The following TIGD3 variants were observed in gnomAD, a reference collection of about 807,000 sequenced individuals.
The protein encoded by TIGD3 is tigger transposable element derived 3, also known as tigger transposable element-derived protein 3.
Under a neutral mutation model 14.8 loss-of-function variants are expected in TIGD3, and 7 were observed. The ratio of observed to expected loss-of-function variants is 0.47; its 90% CI spans 0.27 to 0.89. The LOEUF is 0.89. Ranked by LOEUF, TIGD3 falls within the 40% of genes least tolerant of loss-of-function variation. TIGD3 has a pLI of 0.13. For missense variants in TIGD3, 581 were observed against 611.0 expected, an observed-to-expected ratio of 0.95 and a Z score of 0.52; for synonymous variants, 243 against 269.4, an observed-to-expected ratio of 0.90 and a Z score of 0.96.
Position 65,356,652 on chromosome 11 carries a change from G to T in TIGD3, c.844G>T (p.Val282Leu). The T allele has an allele frequency of 6.2e-7, 1 of 1,613,022 alleles. No individual in the cohort carries two copies. ...ELAGLPGLYHVKLLPLAASST... is the reference protein window; with the variant it reads ...ELAGLPGLYHLKLLPLAASST... ...GGCAGGCCTGCCTGGGCTCTACCAC[G>T]TGAAGCTCTTGCCTCTGGCCGCCTC... The change falls in exon 2 of 2, where the codon GTG becomes TTG. Residue 282 changes from valine (V) to leucine (L), a missense_variant. Coordinates refer to ENST00000309880, the MANE Select transcript of TIGD3 (RefSeq NM_145719.3). This position sits in a 1 kb window ranked among gnomAD's most constrained non-coding sequence, Gnocchi z 5.2.
rs754331078 is a variant in TIGD3 at position 65,356,576 on chromosome 11, G to A, written c.768G>A (p.Gln256=). ...WLAQFDRDMG[Q]QGRQVALLLA... Reference sequence around the variant, plus strand: ...CACAGTTTGACCGGGACATGGGACAGCAGGGCCGACAGGTGGCTTTGCTGC... The same window carrying A: ...CACAGTTTGACCGGGACATGGGACAACAGGGCCGACAGGTGGCTTTGCTGC... Residue 256 remains glutamine, a synonymous_variant, in exon 2 of 2, where the codon CAG becomes CAA. Transcript: ENST00000309880. The surrounding 1 kb of genome is among the most constrained non-coding windows in gnomAD (Gnocchi z 5.2). The A allele has an allele frequency of 1.9e-6, 3 of 1,608,740 alleles. No homozygotes were observed.
rs769958748 is a variant in TIGD3, at chr11:65,357,258, C to T, written c.*34C>T. On this transcript the variant is annotated 3_prime_UTR_variant, in exon 2 of 2. Transcript: ENST00000309880. ...TCACTGCTTGCCAGAGCCCCTTCCTCTCTTGTTTCCCATGGAAACGGCCTC... is the reference window on the plus strand; with the variant it reads ...TCACTGCTTGCCAGAGCCCCTTCCTTTCTTGTTTCCCATGGAAACGGCCTC... 3.1e-6 allele frequency: 5 copies of T among 1,596,302 alleles called. No individual in the cohort carries two copies. The highest frequency in any genetic ancestry group is 2.7e-5 in the African/African-American group (2 of 74,202).
chr11:65,356,158 T>C lies in TIGD3; in HGVS notation c.350T>C (p.Phe117Ser), dbSNP rs753350661. ...KELADIMGQD[F>S]VPSIGWLVRW... is the part of the protein sequence containing the mutation. ...CTGGCCGATATCATGGGCCAGGACT[T>C]CGTGCCCAGCATCGGCTGGCTGGTC... is the stretch of plus-strand genomic sequence containing the variant. The change falls in exon 2 of 2, where the codon TTC becomes TCC. Residue 117 changes from phenylalanine to serine, a missense_variant. By Grantham distance (155) the Phe-to-Ser change is radical. Transcript: ENST00000309880. The surrounding 1 kb of genome is among the most constrained non-coding windows in gnomAD (Gnocchi z 5.2). 1 of 1,612,134 alleles carries C rather than the reference T, an allele frequency of 6.2e-7. No individual in the cohort carries two copies. Among genetic ancestry groups the C allele is most frequent in the Non-Finnish European group, 8.5e-7 (1 of 1,180,024 alleles).
In TIGD3 at chr11:65,355,869, C is replaced by G; in HGVS notation, c.61C>G (p.Leu21Val). 1 of 1,613,930 alleles carries G rather than the reference C, an allele frequency of 6.2e-7. No individual in the cohort carries two copies. Residue 21 changes from leucine to valine, a missense_variant, in exon 2 of 2, where the codon CTG becomes GTG. By Grantham distance (32) the Leu-to-Val change is conservative. Transcript: ENST00000309880. The stretch of plus-strand genomic sequence containing the variant: ...GTCCCTGGCCGAGAAGATCCAGGTG[C>G]TGGAACTCCTGGATGAGTCCAAGAT... ...ALSLAEKIQV[L>V]ELLDESKMSQ...
In TIGD3 at chr11:65,357,333, T is replaced by A; in HGVS notation, c.*109T>A. ...CTTTCCTGTGGAAATAGAACTGTCG[T>A]AAAGGTGTAGAAGGGAGAGAAGTTG... On this transcript the variant is annotated 3_prime_UTR_variant, in exon 2 of 2. Transcript: ENST00000309880. 1 of 1,082,436 alleles carries A rather than the reference T, an allele frequency of 9.2e-7. No homozygotes were observed. Among genetic ancestry groups the A allele is most frequent in the Non-Finnish European group, 1.3e-6 (1 of 750,036 alleles). The allele number at this position is 1,082,436 out of a possible 1,614,324, so 67.1% of individuals were successfully genotyped here.
At position 65,356,229 on chromosome 11, in the gene TIGD3, C is replaced by A. The variant is rs372749167; in HGVS notation, c.421C>A (p.Leu141Ile). 6.2e-7 allele frequency: 1 copy of A among 1,613,222 alleles called. No individual in the cohort carries two copies. The highest frequency in any genetic ancestry group is 8.5e-7 in the Non-Finnish European group (1 of 1,180,042). Reference sequence around the variant, plus strand: ...CGTCGGCTTTGGGGCCCGCCATGTTCTTGCGCCTTCATTCCCCCCTGAGCC... The same window carrying A: ...CGTCGGCTTTGGGGCCCGCCATGTTATTGCGCCTTCATTCCCCCCTGAGCC... ...NNVGFGARHVLAPSFPPEPPP... is the reference protein window; with the variant it reads ...NNVGFGARHVIAPSFPPEPPP... Residue 141 changes from leucine to isoleucine, a missense_variant, in exon 2 of 2, where the codon CTT (leucine) becomes ATT (isoleucine). Transcript: ENST00000309880. This position sits in a 1 kb window ranked among gnomAD's most constrained non-coding sequence, Gnocchi z 5.2.
chr11:65,356,937 A>T lies in TIGD3; in HGVS notation c.1129A>T (p.Thr377Ser). ...CAAAACGCCCCCGTCCTCGCACAAA[A>T]CCTCTGAGATGCCACCAGTCCCCGG... ...PGKTPPSSHK[T>S]SEMPPVPGGL... Residue 377 changes from threonine (T) to serine (S), a missense_variant, in exon 2 of 2, where the codon ACC (threonine) becomes TCC (serine). Thr to Ser is a moderately conservative substitution (Grantham distance 58, BLOSUM62 1). Transcript: ENST00000309880. This position sits in a 1 kb window ranked among gnomAD's most constrained non-coding sequence, Gnocchi z 5.2. 7 of 1,613,822 alleles carry T rather than the reference A, an allele frequency of 4.3e-6. No individual in the cohort carries two copies. Among genetic ancestry groups the T allele is most frequent in the Non-Finnish European group, 5.1e-6 (6 of 1,179,980 alleles).
At position 65,357,137 on chromosome 11, in the gene TIGD3, G is replaced by A. The variant is rs1590615352; in HGVS notation, c.1329G>A (p.Arg443=). ...TCCGGGCCCTGGGCACCTTGAGGAGGTGGTTTGAATGCAACAGCACTTCTC... is the reference window on the plus strand; with the variant it reads ...TCCGGGCCCTGGGCACCTTGAGGAGATGGTTTGAATGCAACAGCACTTCTC... ...DALRALGTLR[R]WFECNSTSPE... The change falls in exon 2 of 2, where the codon AGG becomes AGA. Residue 443 remains arginine (R), a synonymous_variant. Coordinates refer to ENST00000309880, the MANE Select transcript of TIGD3 (RefSeq NM_145719.3). 1 of 1,614,224 alleles carries A rather than the reference G, an allele frequency of 6.2e-7. No homozygotes were observed. The highest frequency in any genetic ancestry group is 8.5e-7 in the Non-Finnish European group (1 of 1,180,038).
intron 1 of TIGD3, among the ~76,000 whole-genome samples, chr11:65,355,280 C>A (rs1174876352): frequency 6.6e-6 from 1 of 152,062 alleles, no homozygotes; most frequent in African/African-American, 2.4e-5. Context: ...AAATTAGCCT[C>A]GCTCCTTCAG....
rs1343807982 is a variant in TIGD3, at chr11:65,356,579, G to A, written c.771G>A (p.Gln257=). The part of the protein sequence containing the change: ...LAQFDRDMGQ[Q]GRQVALLLAA... ...AGTTTGACCGGGACATGGGACAGCA[G>A]GGCCGACAGGTGGCTTTGCTGCTGG... Residue 257 remains glutamine, a synonymous_variant, in exon 2 of 2, where the codon CAG becomes CAA. Transcript: ENST00000309880. This position sits in a 1 kb window ranked among gnomAD's most constrained non-coding sequence, Gnocchi z 5.2. 1.2e-6 allele frequency: 2 copies of A among 1,609,076 alleles called. No individual in the cohort carries two copies.
Position 65,356,565 on chromosome 11 carries a change from G to A in TIGD3, c.757G>A (p.Asp253Asn), listed in dbSNP as rs1407880838. Residue 253 changes from aspartate (D) to asparagine (N), a missense_variant, in exon 2 of 2, where the codon GAC (aspartate) becomes AAC (asparagine). By Grantham distance (23) the Asp-to-Asn change is conservative. Transcript: ENST00000309880. The surrounding 1 kb of genome is among the most constrained non-coding windows in gnomAD (Gnocchi z 5.2). Reference sequence around the variant, plus strand: ...AGAGTGGTTGGCACAGTTTGACCGGGACATGGGACAGCAGGGCCGACAGGT... The same window carrying A: ...AGAGTGGTTGGCACAGTTTGACCGGAACATGGGACAGCAGGGCCGACAGGT... Reference protein sequence around the residue: ...WLEWLAQFDRDMGQQGRQVAL... With the variant: ...WLEWLAQFDRNMGQQGRQVAL... 1 of 1,608,088 alleles carries A rather than the reference G, an allele frequency of 6.2e-7. No individual in the cohort carries two copies. Among genetic ancestry groups the A allele is most frequent in the South Asian group, 1.1e-5 (1 of 91,090 alleles).
Position 65,355,996 on chromosome 11 carries a change from C to A in TIGD3, c.188C>A (p.Thr63Lys). The A allele has an allele frequency of 1.2e-6, 2 of 1,613,786 alleles. No individual in the cohort carries two copies. Among genetic ancestry groups the A allele is most frequent in the Non-Finnish European group, 1.7e-6 (2 of 1,180,044 alleles). ...CTGCTGGCGGACTGGTGCAGCGGCA[C>A]AGCCAACCGAGAGCGCAAGCGCAAG... The part of the protein sequence containing the change: ...EKLLADWCSG[T>K]ANRERKRKRE... The change falls in exon 2 of 2, where the codon ACA (threonine) becomes AAA (lysine). Residue 63 changes from threonine (T) to lysine (K), a missense_variant. Transcript: ENST00000309880.
intron 1 of TIGD3, among the ~76,000 whole-genome samples, chr11:65,355,412 G>A (rs1854834551): frequency 2.5e-5 from 1 of 40,154 alleles, no homozygotes. Flanking sequence ...ACTCCCTCCC[G>A]GGGGCTCCTC....
Position 65,355,815 on chromosome 11 carries a change from C to T in TIGD3, c.7C>T (p.Leu3=), listed in dbSNP as rs1854841968. The T allele has an allele frequency of 1.2e-6, 2 of 1,611,218 alleles. No homozygotes were observed. Among genetic ancestry groups the T allele is most frequent in the East Asian group, 2.2e-5 (1 of 44,834 alleles). Residue 3 remains leucine, a synonymous_variant, in exon 2 of 2, where the codon CTG becomes TTG. Transcript: ENST00000309880. The stretch of plus-strand genomic sequence containing the variant: ...CAGGTGCCCCGGAGAGGCCATGGAG[C>T]TGAGCAGCAAGAAGAAGCTTCACGC... ME[L]SSKKKLHALS...
In TIGD3 at chr11:65,355,906, A is replaced by T; in HGVS notation, c.98A>T (p.Glu33Val). Residue 33 changes from glutamate (E) to valine (V), a missense_variant, in exon 2 of 2, where the codon GAG (glutamate) becomes GTG (valine). Glu to Val is a moderately radical substitution (Grantham distance 121). Coordinates refer to ENST00000309880, the MANE Select transcript of TIGD3 (RefSeq NM_145719.3). ...LLDESKMSQS[E>V]VARRFQVSQP... ...GATGAGTCCAAGATGTCCCAGTCGG[A>T]GGTGGCCCGGCGCTTCCAGGTTTCC... The T allele has an allele frequency of 3.1e-6, 5 of 1,613,958 alleles. No homozygotes were observed. Among genetic ancestry groups the T allele is most frequent in the Non-Finnish European group, 4.2e-6 (5 of 1,180,042 alleles).
Position 65,357,331 on chromosome 11 carries a change from C to A in TIGD3, c.*107C>A. 3.7e-6 allele frequency: 4 copies of A among 1,090,630 alleles called. No homozygotes were observed. The highest frequency in any genetic ancestry group is 5.3e-6 in the Non-Finnish European group (4 of 756,992). The allele number at this position is 1,090,630 out of a possible 1,614,324, so 67.6% of individuals were successfully genotyped here. On this transcript the variant is annotated 3_prime_UTR_variant, in exon 2 of 2. Transcript: ENST00000309880. ...CTCTTTCCTGTGGAAATAGAACTGT[C>A]GTAAAGGTGTAGAAGGGAGAGAAGT... is the stretch of plus-strand genomic sequence containing the variant.
In TIGD3 at chr11:65,355,793, G is replaced by A. The variant is rs765575412; in HGVS notation, c.-16G>A. 18 of 1,596,256 alleles carry A rather than the reference G, an allele frequency of 1.1e-5. No individual in the cohort carries two copies. In the African/African-American group the frequency reaches 2.4e-4, roughly 22 times the overall value. ...CGCTCAATCTTTCCTCCCCGCACAG[G>A]TGCCCCGGAGAGGCCATGGAGCTGA... On this transcript the variant is annotated splice_region_variant and 5_prime_UTR_variant, in exon 2 of 2. In the 5' UTR this introduces an upstream ATG that the reference lacks. Coordinates refer to ENST00000309880, the MANE Select transcript of TIGD3 (RefSeq NM_145719.3).
rs750662966 is a variant in TIGD3 at position 65,356,929 on chromosome 11, C to G, written c.1121C>G (p.Ser374Trp). ...GLAPGKTPPS[S>W]HKTSEMPPVP... Reference sequence around the variant, plus strand: ...GCTCCCGGCAAAACGCCCCCGTCCTCGCACAAAACCTCTGAGATGCCACCA... The same window carrying G: ...GCTCCCGGCAAAACGCCCCCGTCCTGGCACAAAACCTCTGAGATGCCACCA... The change falls in exon 2 of 2, where the codon TCG (serine) becomes TGG (tryptophan). Residue 374 changes from serine to tryptophan, a missense_variant. Transcript: ENST00000309880. This position sits in a 1 kb window ranked among gnomAD's most constrained non-coding sequence, Gnocchi z 5.2. 6 of 1,614,130 alleles carry G rather than the reference C, an allele frequency of 3.7e-6. No individual in the cohort carries two copies. Among genetic ancestry groups the G allele is most frequent in the East Asian group, 4.5e-5 (2 of 44,884 alleles).
intron 1 of TIGD3, among the ~76,000 whole-genome samples, chr11:65,355,211 G>C (rs1018853): frequency 0.25 from 38,294 of 150,718 alleles, 5,935 homozygotes; most frequent in Non-Finnish European, 0.35. Context: ...CCTCGGCCCT[G>C]CCCTCTCGCT....
Sources: gnomAD v4.1 joint callset for allele counts (sites outside exome capture counted in the v4.1 genomes callset) on GRCh38, gnomAD v4.1.1 for gene constraint, Gnocchi (gnomAD v3.1) non-coding constraint, MANE v1.5 for transcripts, NCBI Gene and HGNC (gene_info 2026-07-23, HGNC 2026-07-21) for gene names.